The following PTPRD variants were observed in gnomAD, a reference collection of about 807,000 sequenced individuals.
The protein encoded by PTPRD is receptor-type tyrosine-protein phosphatase delta.
In PTPRD, 34 loss-of-function variants were observed where a neutral mutation model predicts 214.5. That is an observed-to-expected ratio of 0.16 (90% CI 0.12 to 0.21). PTPRD has a LOEUF of 0.21. Among genes scored for constraint, PTPRD ranks in the 10% least tolerant of loss-of-function variants. PTPRD has a pLI of 1.00. For missense variants in PTPRD, 2,545 were observed against 2,398.7 expected (o/e 1.06, Z -1.27); for synonymous variants, 1,128 against 845.7 (o/e 1.33, Z -5.79).
At chr9:10,531,171 A>T (rs1449039120) in intron 2 of PTPRD, among the ~76,000 whole-genome samples, 1 of 152,030 alleles carries the variant, frequency 6.6e-6, no homozygotes, top group African/African-American at 2.4e-5. Flanking sequence ...GCTGGTCTTA[A>T]ACTCCTGACC....
At chr9:9,751,787 A>G (rs1452937090) in intron 6 of PTPRD, among the ~76,000 whole-genome samples, 1 of 152,110 alleles carries the variant, frequency 6.6e-6, no homozygotes, top group Non-Finnish European at 1.5e-5. Context: ...GAAATAATCA[A>G]TGTCTGTTGT....
intron 10 of PTPRD, among the ~76,000 whole-genome samples, chr9:9,122,348 C>T (rs1380695208): frequency 2.0e-5 from 3 of 152,080 alleles, no homozygotes; most frequent in Admixed American, 2.0e-4. Context: ...TTTCTATCTA[C>T]ATAACTACAA....
In PTPRD at chr9:9,181,015, G is replaced by A. The variant is rs961574750; in HGVS notation, c.-143+2289C>T. On this transcript the variant is annotated intron_variant, in intron 10 of 45. Transcript: ENST00000381196. ...GGACTTGGCTCAGAGTTCCGTCTTCGGTAGAGTAAAAATACCAAAGAATTT... is the reference window on the plus strand; with the variant it reads ...GGACTTGGCTCAGAGTTCCGTCTTCAGTAGAGTAAAAATACCAAAGAATTT... Among the ~76,000 whole-genome samples the A allele has an allele frequency of 3.9e-5, 6 of 151,992 alleles. No individual in the cohort carries two copies. The East Asian group carries it at 7.7e-4, about 20-fold the overall frequency.
chr9:10,523,612 T>TAGAGAGAGAGAGAGAGAG (rs1230200170), intron 2 of PTPRD, among the ~76,000 whole-genome samples: 5 of 96,550 alleles, frequency 5.2e-5, no homozygotes, highest in Admixed American at 2.7e-4. Flanking sequence ...TATATATATA[T>TAGAGAGAGAGAGAGAGAG]ATATATATAT....
rs1396264947 is a variant in PTPRD, at chr9:9,937,278, CTT to C, written c.-368+1227_-368+1228del. ...AAAAAATAAATTACTATATTGGTCT[CTT>C]TTATCTTTTTTCTCTATATACACAT... On this transcript the variant is annotated intron_variant, in intron 5 of 45. Transcript: ENST00000381196. 2.6e-5 allele frequency among the ~76,000 whole-genome samples: 4 copies of C among 151,406 alleles called. 1 individual carries two copies. The South Asian group carries it at 6.3e-4, about 24-fold the overall frequency.
At chr9:9,470,014 G>A (rs1321215932) in intron 8 of PTPRD, among the ~76,000 whole-genome samples, 5 of 152,102 alleles carry the variant, frequency 3.3e-5, no homozygotes, top group Non-Finnish European at 7.4e-5. Flanking sequence ...TGGGGTGGAT[G>A]AACTCCCAGA....
chr9:10,327,829 T>G lies in PTPRD; in HGVS notation c.-545+13134A>C, dbSNP rs930789692. Among the ~76,000 whole-genome samples, 3 of 151,852 alleles carry G rather than the reference T, an allele frequency of 2.0e-5. No homozygotes were observed. The East Asian group carries it at 5.8e-4, about 30-fold the overall frequency. On this transcript the variant is annotated intron_variant, in intron 3 of 45. Transcript: ENST00000381196. ...CAATGCCAAACTTTTTGAGAAGGTC[T>G]CCTGTCAGGGCTGTCTGGTAGTTCC...
At chr9:8,416,648 G>A (rs909754720) in intron 35 of PTPRD, among the ~76,000 whole-genome samples, 1 of 151,826 alleles carries the variant, frequency 6.6e-6, no homozygotes, top group Non-Finnish European at 1.5e-5. Context: ...TTTATGACCA[G>A]GAAAGAATAC....
chr9:8,677,267 C>A (rs1199796533), intron 12 of PTPRD, among the ~76,000 whole-genome samples: 1 of 152,106 alleles, frequency 6.6e-6, no homozygotes, highest in East Asian at 1.9e-4. Flanking sequence ...ACGGAATCAA[C>A]CTAAATGTTC....
chr9:9,530,182 A>T (rs1206198877), intron 8 of PTPRD, among the ~76,000 whole-genome samples: 1 of 152,164 alleles, frequency 6.6e-6, no homozygotes, highest in Non-Finnish European at 1.5e-5. Flanking sequence ...AATAGTGACT[A>T]AAAAATAATA....
intron 6 of PTPRD, among the ~76,000 whole-genome samples, chr9:9,750,252 G>A (rs1422227673): frequency 6.6e-6 from 1 of 151,906 alleles, no homozygotes; most frequent in Non-Finnish European, 1.5e-5. Flanking sequence ...TTATTGAAAT[G>A]CTCAAAAATA....
intron 2 of PTPRD, among the ~76,000 whole-genome samples, chr9:10,455,633 G>A (rs1048571320): frequency 2.0e-5 from 3 of 151,244 alleles, no homozygotes; most frequent in African/African-American, 4.8e-5. Context: ...TCTCCCATTC[G>A]TCACCATATA....
chr9:8,572,242 T>C (rs1305118970), intron 14 of PTPRD, among the ~76,000 whole-genome samples: 4 of 152,120 alleles, frequency 2.6e-5, no homozygotes, highest in South Asian at 4.1e-4. Context: ...GTTTCTTTAT[T>C]TGTAAAATTA....
intron 3 of PTPRD, among the ~76,000 whole-genome samples, chr9:10,144,308 T>C (rs1389001293): frequency 6.6e-6 from 1 of 152,014 alleles, no homozygotes; most frequent in Non-Finnish European, 1.5e-5. Flanking sequence ...TTACTGCCCA[T>C]AAAATATAGG....
intron 4 of PTPRD, among the ~76,000 whole-genome samples, chr9:9,964,290 C>T (rs1437043854): frequency 6.6e-6 from 1 of 152,152 alleles, no homozygotes. Context: ...AATGTAATAG[C>T]AGGCTTGTTA....
At chr9:9,340,888 G>C (rs1027915705) in intron 9 of PTPRD, among the ~76,000 whole-genome samples, 2 of 152,044 alleles carry the variant, frequency 1.3e-5, no homozygotes, top group Non-Finnish European at 2.9e-5. Context: ...CTAATCATTA[G>C]AATAAACTAC....
intron 11 of PTPRD, among the ~76,000 whole-genome samples, chr9:8,782,634 G>A (rs909732333): frequency 1.7e-4 from 22 of 132,320 alleles, no homozygotes; most frequent in African/African-American, 5.5e-4. Context: ...GTCTCGCCCC[G>A]TTGCCCAGGC....
chr9:9,396,909 A>G (rs2068059477), intron 9 of PTPRD, among the ~76,000 whole-genome samples: 1 of 152,068 alleles, frequency 6.6e-6, no homozygotes, highest in African/African-American at 2.4e-5. Flanking sequence ...CAAGAGAGAC[A>G]TAAATGGGTA....
chr9:8,348,817 G>A (rs558543925), intron 39 of PTPRD, among the ~76,000 whole-genome samples: 1 of 152,264 alleles, frequency 6.6e-6, no homozygotes, highest in Non-Finnish European at 1.5e-5. Flanking sequence ...CACCTCAACT[G>A]CTGCACCCTG....
Sources: gnomAD v4.1 joint callset for allele counts (sites outside exome capture counted in the v4.1 genomes callset) on GRCh38, gnomAD v4.1.1 for gene constraint, MANE v1.5 for transcripts, NCBI Gene and HGNC (gene_info 2026-07-23, HGNC 2026-07-21) for gene names.